PLCB4: variants seen among roughly 807,000 people sequenced by gnomAD.
PLCB4 encodes phospholipase C beta 4, also known as 1-phosphatidylinositol 4,5-bisphosphate phosphodiesterase beta-4.
In PLCB4, 77 loss-of-function variants were observed where a neutral mutation model predicts 178.8. The observed-to-expected ratio is 0.43, with a 90% confidence interval of 0.36 to 0.52. The LOEUF is 0.52. Among genes scored for constraint, PLCB4 ranks in the 20% least tolerant of loss-of-function variants. The probability of loss-of-function intolerance (pLI) is 0.00; values close to 1 mark genes in which losing one functional copy is unlikely to be tolerated. For missense variants in PLCB4, 1,024 were observed against 1,453.4 expected (o/e 0.70, Z 4.80); for synonymous variants, 496 against 490.8 (o/e 1.01, Z -0.14).
intron 30 of PLCB4, among the ~76,000 whole-genome samples, chr20:9,440,593 C>T (rs1228748201): frequency 6.6e-6 from 1 of 152,188 alleles, no homozygotes; most frequent in African/African-American, 2.4e-5. Flanking sequence ...CTTTCCACTA[C>T]ATTCTGTCAT....
At chr20:9,441,940 A>C (rs192125205) in intron 30 of PLCB4, among the ~76,000 whole-genome samples, 1 of 152,272 alleles carries the variant, frequency 6.6e-6, no homozygotes, top group African/African-American at 2.4e-5. Context: ...TTTAAGAACA[A>C]AGGATTAAGA....
At chr20:9,304,034 T>C (rs928113590) in intron 3 of PLCB4, among the ~76,000 whole-genome samples, 1 of 151,934 alleles carries the variant, frequency 6.6e-6, no homozygotes, top group African/African-American at 2.4e-5. Flanking sequence ...CTCTCACTCT[T>C]GCTCTAAGTA....
chr20:9,325,502 G>A (rs2030350761), intron 4 of PLCB4, among the ~76,000 whole-genome samples: 1 of 152,088 alleles, frequency 6.6e-6, no homozygotes, highest in African/African-American at 2.4e-5. Context: ...AAGAGTCAGG[G>A]AACCCTCCCA....
chr20:9,234,011 G>A (rs1334792909), intron 3 of PLCB4, among the ~76,000 whole-genome samples: 2 of 152,090 alleles, frequency 1.3e-5, no homozygotes, highest in African/African-American at 4.8e-5. Flanking sequence ...AAGAGTAAAG[G>A]CTTATACCTA....
chr20:9,194,001 T>C (rs551142221), intron 2 of PLCB4, among the ~76,000 whole-genome samples: 26 of 151,084 alleles, frequency 1.7e-4, no homozygotes, highest in Admixed American at 1.1e-3. Flanking sequence ...CATGAACTGC[T>C]TTTTTTTTTA....
chr20:9,185,921 C>G (rs570949043), intron 2 of PLCB4, among the ~76,000 whole-genome samples: 1 of 152,134 alleles, frequency 6.6e-6, no homozygotes, highest in African/African-American at 2.4e-5. Context: ...ACCCCTACTC[C>G]GTTCTCTATT....
chr20:9,253,457 A>G, intron 3 of PLCB4, among the ~76,000 whole-genome samples: 1 of 152,154 alleles, frequency 6.6e-6, no homozygotes, highest in East Asian at 1.9e-4. Context: ...GCCATCAGTG[A>G]CTGCCAGTTT....
At chr20:9,211,316 G>A (rs1036085376) in intron 2 of PLCB4, among the ~76,000 whole-genome samples, 2 of 152,178 alleles carry the variant, frequency 1.3e-5, no homozygotes, top group Non-Finnish European at 2.9e-5. Context: ...GTCAATGATG[G>A]TGCTCAGCTC....
chr20:9,411,350 A>G (rs1426237592), intron 25 of PLCB4, among the ~76,000 whole-genome samples: 1 of 152,234 alleles, frequency 6.6e-6, no homozygotes, highest in African/African-American at 2.4e-5. Flanking sequence ...TCACTTTAAA[A>G]TCAATAGTGG....
chr20:9,473,321 G>C lies in PLCB4; in HGVS notation c.3451G>C (p.Val1151Leu). 6 of 1,562,694 alleles carry C rather than the reference G, an allele frequency of 3.8e-6. No homozygotes were observed. The highest frequency in any genetic ancestry group is 5.2e-6 in the Non-Finnish European group (6 of 1,146,870). ...CAAAGAAATGGATCAGTTGAAAAAAGTCCAGCTTGAACATCTAGAATTCCT... is the reference window on the plus strand; with the variant it reads ...CAAAGAAATGGATCAGTTGAAAAAACTCCAGCTTGAACATCTAGAATTCCT... ...QSKEMDQLKK[V>L]QLEHLEFLEK... Residue 1151 changes from valine (V) to leucine (L), a missense_variant, in exon 38 of 40, where the codon GTC becomes CTC. Physicochemically the swap from Val to Leu is conservative, Grantham distance 32. Around this residue, in one of 7 missense-constraint regions of PLCB4, gnomAD observed 264 missense variants for 283.2 expected, o/e 0.93. Transcript: ENST00000378473.
chr20:9,109,028 A>G (rs568786151), intron 2 of PLCB4, among the ~76,000 whole-genome samples: 1 of 152,058 alleles, frequency 6.6e-6, no homozygotes, highest in African/African-American at 2.4e-5. Flanking sequence ...GCCCCCCACC[A>G]AAAAAAAGTG....
chr20:9,370,491 C>T (rs531379318), intron 9 of PLCB4, among the ~76,000 whole-genome samples: 4 of 152,290 alleles, frequency 2.6e-5, no homozygotes, highest in African/African-American at 7.2e-5. Context: ...GCCTCCTTTT[C>T]CCTAGGCCCA....
intron 3 of PLCB4, among the ~76,000 whole-genome samples, chr20:9,234,707 G>A (rs1053583996): frequency 1.8e-4 from 27 of 152,204 alleles, no homozygotes; most frequent in African/African-American, 5.8e-4. Context: ...GGAAGGTAAG[G>A]AACTGAAATT....
rs1600570226 is a variant in PLCB4, at chr20:9,124,149, G to A, written c.-79+27807G>A. ...TGCAAAAGCAGGTGACTGGCCTGATGTGGCCCATAGGCTATAGTTTGCCAA... is the reference window on the plus strand; with the variant it reads ...TGCAAAAGCAGGTGACTGGCCTGATATGGCCCATAGGCTATAGTTTGCCAA... On this transcript the variant is annotated intron_variant, in intron 2 of 39. Transcript: ENST00000378473. Among the ~76,000 whole-genome samples the A allele has an allele frequency of 5.3e-5, 8 of 152,226 alleles. 1 individual carries two copies.
chr20:9,235,608 C>G (rs1343896257), intron 3 of PLCB4, among the ~76,000 whole-genome samples: 2 of 152,138 alleles, frequency 1.3e-5, no homozygotes, highest in African/African-American at 4.8e-5. Context: ...ATTGTGAGGC[C>G]TCTGCAGGAG....
At chr20:9,263,963 A>T (rs929354809) in intron 3 of PLCB4, among the ~76,000 whole-genome samples, 1 of 152,216 alleles carries the variant, frequency 6.6e-6, no homozygotes, top group Admixed American at 6.5e-5. Context: ...TTCAATCATT[A>T]TACTACACCT....
chr20:9,309,091 T>G (rs2094802264), intron 4 of PLCB4, among the ~76,000 whole-genome samples: 1 of 152,174 alleles, frequency 6.6e-6, no homozygotes, highest in South Asian at 2.1e-4. Context: ...TCTCCTGTGT[T>G]TAAAATGCTT....
At chr20:9,094,967 A>G (rs2090843832) in intron 1 of PLCB4, among the ~76,000 whole-genome samples, 2 of 152,172 alleles carry the variant, frequency 1.3e-5, no homozygotes, top group Admixed American at 1.3e-4. Flanking sequence ...GAAGGGGACC[A>G]CAGTACTGCT....
At chr20:9,254,523 C>T (rs2147504663) in intron 3 of PLCB4, among the ~76,000 whole-genome samples, 1 of 152,172 alleles carries the variant, frequency 6.6e-6, no homozygotes, top group South Asian at 2.1e-4. Flanking sequence ...CATGGTGAAA[C>T]TCTGTCTCTA....
Sources: gnomAD v4.1 joint callset for allele counts (sites outside exome capture counted in the v4.1 genomes callset) on GRCh38, gnomAD v4.1.1 for gene constraint, gnomAD v4.1.1 regional missense constraint, MANE v1.5 for transcripts, NCBI Gene and HGNC (gene_info 2026-07-23, HGNC 2026-07-21) for gene names.